ZNF385D: variants seen among roughly 807,000 people sequenced by gnomAD.
The protein encoded by ZNF385D is zinc finger protein 659.
In ZNF385D, 15 loss-of-function variants were observed where a neutral mutation model predicts 35.8. That is an observed-to-expected ratio of 0.42 (90% CI 0.28 to 0.64). ZNF385D has a LOEUF of 0.64. Among genes scored for constraint, ZNF385D ranks in the 30% least tolerant of loss-of-function variants. ZNF385D has a pLI of 0.23. For synonymous variants in ZNF385D, 212 were observed against 186.8 expected (o/e 1.13, Z -1.10); for missense variants, 474 against 494.6 (o/e 0.96, Z 0.39).
intron 2 of ZNF385D, among the ~76,000 whole-genome samples, chr3:22,294,463 G>A (rs960916592): frequency 5.3e-5 from 8 of 151,902 alleles, no homozygotes; most frequent in African/African-American, 9.7e-5. Flanking sequence ...CATATTTATC[G>A]TATATAATAT....
chr3:22,067,389 T>C (rs1236209671), intron 3 of ZNF385D, among the ~76,000 whole-genome samples: 2 of 152,218 alleles, frequency 1.3e-5, no homozygotes, highest in African/African-American at 2.4e-5. Flanking sequence ...ATAGGTCACA[T>C]AATGCAACAG....
intron 2 of ZNF385D, among the ~76,000 whole-genome samples, chr3:21,575,272 G>A (rs1350880427): frequency 1.3e-5 from 2 of 152,116 alleles, no homozygotes; most frequent in Non-Finnish European, 2.9e-5. Context: ...GTCTGTGCAG[G>A]GTGGAGGTGG....
At chr3:22,110,873 A>C (rs1458644738) in intron 3 of ZNF385D, among the ~76,000 whole-genome samples, 1 of 152,110 alleles carries the variant, frequency 6.6e-6, no homozygotes, top group Non-Finnish European at 1.5e-5. Flanking sequence ...GGTAGGATAT[A>C]AGGCTGTCAA....
chr3:22,024,730 G>C (rs1417415718), intron 3 of ZNF385D, among the ~76,000 whole-genome samples: 2 of 152,130 alleles, frequency 1.3e-5, no homozygotes, highest in African/African-American at 2.4e-5. Context: ...GGAGTTTAGT[G>C]ACTCTATACA....
chr3:21,661,596 C>G (rs1299518600), intron 2 of ZNF385D, among the ~76,000 whole-genome samples: 7 of 152,148 alleles, frequency 4.6e-5, no homozygotes, highest in Admixed American at 2.6e-4. Flanking sequence ...AGCACTGAAA[C>G]TCTAATGTCT....
intron 2 of ZNF385D, among the ~76,000 whole-genome samples, chr3:21,611,207 C>CT (rs1312187807): frequency 2.6e-5 from 4 of 152,184 alleles, no homozygotes; most frequent in African/African-American, 9.6e-5. Context: ...ACAAGAAAGG[C>CT]TACACAAATC....
At chr3:21,772,862 G>C (rs1458707067) in intron 3 of ZNF385D, among the ~76,000 whole-genome samples, 4 of 151,912 alleles carry the variant, frequency 2.6e-5, no homozygotes, top group East Asian at 1.9e-4. Context: ...ATGCACAATG[G>C]AATATCATTC....
intron 2 of ZNF385D, among the ~76,000 whole-genome samples, chr3:22,279,563 C>T (rs1405554881): frequency 7.3e-6 from 1 of 136,354 alleles, no homozygotes; most frequent in Non-Finnish European, 1.6e-5. Flanking sequence ...TACATATGTA[C>T]ATATATATGT....
At chr3:21,641,521 C>T (rs2065604962) in intron 2 of ZNF385D, among the ~76,000 whole-genome samples, 1 of 151,316 alleles carries the variant, frequency 6.6e-6, no homozygotes, top group African/African-American at 2.4e-5. Context: ...GCTGCTTTTT[C>T]TTGTTATACC....
At chr3:21,770,066 T>A (rs367879738) in intron 3 of ZNF385D, among the ~76,000 whole-genome samples, 9 of 152,034 alleles carry the variant, frequency 5.9e-5, no homozygotes, top group Non-Finnish European at 1.2e-4. Context: ...CCCTTCCTTA[T>A]ACCTTATACA....
chr3:22,061,946 A>G (rs763299251), intron 3 of ZNF385D, among the ~76,000 whole-genome samples: 1 of 152,246 alleles, frequency 6.6e-6, no homozygotes, highest in Non-Finnish European at 1.5e-5. Context: ...CACCTAAAAC[A>G]GTATTGGTGA....
At chr3:22,141,370 T>C (rs1704494885) in intron 3 of ZNF385D, among the ~76,000 whole-genome samples, 1 of 152,174 alleles carries the variant, frequency 6.6e-6, no homozygotes, top group South Asian at 2.1e-4. Flanking sequence ...CAAAAATACA[T>C]AACTTCATTT....
intron 2 of ZNF385D, among the ~76,000 whole-genome samples, chr3:22,330,782 A>G (rs901207063): frequency 2.0e-5 from 3 of 151,854 alleles, no homozygotes; most frequent in Admixed American, 2.0e-4. Context: ...TAAATGGAGA[A>G]CTCTATCAAA....
chr3:21,615,116 G>A (rs1239032799), intron 2 of ZNF385D, among the ~76,000 whole-genome samples: 1 of 152,068 alleles, frequency 6.6e-6, no homozygotes, highest in Non-Finnish European at 1.5e-5. Context: ...TGTTGAAGGT[G>A]GGGCCTAGTG....
chr3:21,773,796 A>T (rs1005015256), intron 3 of ZNF385D, among the ~76,000 whole-genome samples: 1 of 151,974 alleles, frequency 6.6e-6, no homozygotes, highest in Non-Finnish European at 1.5e-5. Context: ...GTTGTGGAGA[A>T]AAAGGAATGC....
At chr3:21,775,463 T>A (rs2071248626) in intron 3 of ZNF385D, among the ~76,000 whole-genome samples, 1 of 151,870 alleles carries the variant, frequency 6.6e-6, no homozygotes, top group Admixed American at 6.6e-5. Flanking sequence ...TGGAAAGTAC[T>A]GCTTTTATTG....
chr3:21,863,876 T>C (rs1002440563), intron 3 of ZNF385D, among the ~76,000 whole-genome samples: 9 of 152,108 alleles, frequency 5.9e-5, no homozygotes, highest in African/African-American at 2.2e-4. Flanking sequence ...ATGAACATAA[T>C]GAGTTTTTCA....
At chr3:22,099,593 T>C (rs971796420) in intron 3 of ZNF385D, among the ~76,000 whole-genome samples, 1 of 151,942 alleles carries the variant, frequency 6.6e-6, no homozygotes, top group Non-Finnish European at 1.5e-5. Flanking sequence ...AATTTGAGGG[T>C]AAACCTGATT....
chr3:21,963,246 C>G (rs76290666), intron 3 of ZNF385D, among the ~76,000 whole-genome samples: 2,356 of 152,204 alleles, frequency 0.015, 53 homozygotes, highest in East Asian at 0.072. Context: ...GTGTAGGTCA[C>G]TGTCATCTTT....
Sources: gnomAD v4.1 joint callset for allele counts (sites outside exome capture counted in the v4.1 genomes callset) on GRCh38, gnomAD v4.1.1 for gene constraint, MANE v1.5 for transcripts, NCBI Gene and HGNC (gene_info 2026-07-23, HGNC 2026-07-21) for gene names.